Variants in SND1 observed in about 807,000 individuals in gnomAD.
SND1 encodes staphylococcal nuclease and tudor domain containing 1, also known as staphylococcal nuclease domain-containing protein 1.
SND1 carries 38 observed loss-of-function variants against 121.7 expected under a neutral mutation model. The ratio of observed to expected loss-of-function variants is 0.31; its 90% CI spans 0.24 to 0.41. The LOEUF (loss-of-function observed/expected upper bound fraction) is 0.41, where lower values mean the gene tolerates loss of function less well. SND1 is among the 10% of genes least tolerant of loss of function. The probability of loss-of-function intolerance (pLI) is 1.00; values close to 1 mark genes in which losing one functional copy is unlikely to be tolerated. For missense variants in SND1, 868 were observed against 1,184.6 expected (o/e 0.73, Z 3.92); for synonymous variants, 401 against 447.4 (o/e 0.90, Z 1.31).
chr7:127,800,753 T>C (rs997096606), intron 10 of SND1, among the ~76,000 whole-genome samples: 2 of 152,258 alleles, frequency 1.3e-5, no homozygotes, highest in Non-Finnish European at 2.9e-5. Flanking sequence ...ACACACACAG[T>C]TGAAAGTCCC....
chr7:127,881,396 G>A (rs1396008163), intron 12 of SND1, among the ~76,000 whole-genome samples: 6 of 151,988 alleles, frequency 3.9e-5, no homozygotes, highest in African/African-American at 7.3e-5. Flanking sequence ...ACCTCCAGAG[G>A]GCAAAGGGGG....
At chr7:128,027,524 A>G (rs534467742) in intron 16 of SND1, 3 of 152,018 alleles carry the variant, frequency 2.0e-5, no homozygotes, top group African/African-American at 4.9e-5. Context: ...CCCCCACCCC[A>G]TCACCACAAC....
At chr7:127,717,564 G>A (rs532471118) in intron 9 of SND1, among the ~76,000 whole-genome samples, 6 of 152,314 alleles carry the variant, frequency 3.9e-5, no homozygotes, top group African/African-American at 1.4e-4. Context: ...GGTGGCAGCT[G>A]TACTCTTCTA....
intron 16 of SND1, among the ~76,000 whole-genome samples, chr7:127,992,600 C>T (rs1363618767): frequency 6.6e-6 from 1 of 152,208 alleles, no homozygotes; most frequent in Non-Finnish European, 1.5e-5. Flanking sequence ...CCCAAGACAT[C>T]GGTTGATGGC....
chr7:127,941,198 T>TA, intron 15 of SND1, among the ~76,000 whole-genome samples: 1 of 152,216 alleles, frequency 6.6e-6, no homozygotes, highest in Non-Finnish European at 1.5e-5. Context: ...CTAGACCTTG[T>TA]AAGTTTTTGG....
At chr7:127,841,662 C>A (rs1798967891) in intron 11 of SND1, among the ~76,000 whole-genome samples, 1 of 152,084 alleles carries the variant, frequency 6.6e-6, no homozygotes, top group South Asian at 2.1e-4. Context: ...TCAGGCCTGT[C>A]TGTGTGCAGC....
intron 21 of SND1, among the ~76,000 whole-genome samples, chr7:128,087,951 C>T (rs566156666): frequency 6.6e-6 from 1 of 152,294 alleles, no homozygotes; most frequent in Admixed American, 6.5e-5. Context: ...TTCCCAGGGG[C>T]TGCCCTTGGC....
At chr7:127,915,142 T>C (rs1393251667) in intron 14 of SND1, among the ~76,000 whole-genome samples, 1 of 152,120 alleles carries the variant, frequency 6.6e-6, no homozygotes. Flanking sequence ...ATTAGCCTCC[T>C]GAGTAGCTAA....
intron 16 of SND1, among the ~76,000 whole-genome samples, chr7:128,031,783 C>CGCCCGCCGCT (rs564375276): frequency 6.9e-6 from 1 of 145,590 alleles, no homozygotes; most frequent in Non-Finnish European, 1.5e-5. Context: ...CGCCCGTCGC[C>CGCCCGCCGCT]GCCCGCCGCT....
intron 15 of SND1, among the ~76,000 whole-genome samples, chr7:127,942,701 G>A (rs1801242654): frequency 6.6e-6 from 1 of 152,138 alleles, no homozygotes; most frequent in African/African-American, 2.4e-5. Context: ...TCATACTGGA[G>A]GTAAATGTGC....
intron 10 of SND1, among the ~76,000 whole-genome samples, chr7:127,761,690 T>C (rs935772838): frequency 1.3e-5 from 2 of 152,232 alleles, no homozygotes; most frequent in Non-Finnish European, 2.9e-5. Context: ...GGCCCCATTC[T>C]TTATACCCAT....
chr7:127,994,162 G>A (rs912905021), intron 16 of SND1, among the ~76,000 whole-genome samples: 1 of 152,114 alleles, frequency 6.6e-6, no homozygotes, highest in African/African-American at 2.4e-5. Context: ...TTTTCAGGTG[G>A]CTCCCATTAT....
chr7:127,787,840 TGTGC>T (rs1797838949), intron 10 of SND1, among the ~76,000 whole-genome samples: 1 of 152,226 alleles, frequency 6.6e-6, no homozygotes. Context: ...TGCCAGTGTC[TGTGC>T]AGACTGACAA....
intron 15 of SND1, among the ~76,000 whole-genome samples, chr7:127,936,295 G>A (rs1327760820): frequency 1.3e-5 from 2 of 152,098 alleles, no homozygotes; most frequent in Non-Finnish European, 2.9e-5. Flanking sequence ...CTTGTCCATA[G>A]TTAGCAAGGA....
chr7:127,652,382 C>T lies in SND1; in HGVS notation c.9C>T (p.Ser3=). 1 of 1,597,976 alleles carries T rather than the reference C, an allele frequency of 6.3e-7. No homozygotes were observed. The highest frequency in any genetic ancestry group is 8.5e-7 in the Non-Finnish European group (1 of 1,172,872). The change falls in exon 1 of 24, where the codon TCC becomes TCT. Residue 3 remains serine, a synonymous_variant. Transcript: ENST00000354725. MA[S]SAQSGGSSGG... is the part of the protein sequence containing the mutation. ...CCTTTGCATCTCCACACATGGCGTC[C>T]TCCGCGCAGAGCGGCGGCTCCTCCG...
At chr7:127,759,052 T>C (rs938544161) in intron 10 of SND1, among the ~76,000 whole-genome samples, 2 of 61,768 alleles carry the variant, frequency 3.2e-5, no homozygotes, top group Non-Finnish European at 7.0e-5. Flanking sequence ...AGATGCTGTC[T>C]CAAAAATAGA....
chr7:127,816,681 T>C (rs938961540), intron 11 of SND1, among the ~76,000 whole-genome samples: 6 of 148,876 alleles, frequency 4.0e-5, no homozygotes, highest in Non-Finnish European at 5.9e-5. Context: ...TTTTTTTTTT[T>C]GTAACAGTGT....
intron 14 of SND1, among the ~76,000 whole-genome samples, chr7:127,926,549 C>CTTTTTTTTTTTTTTTTTTT (rs71160605): frequency 1.8e-4 from 16 of 90,548 alleles, no homozygotes; most frequent in African/African-American, 3.2e-4. Flanking sequence ...TTTTCTTTTT[C>CTTTTTTTTTTTTTTTTTTT]TTTTTTTTTT....
intron 16 of SND1, among the ~76,000 whole-genome samples, chr7:128,042,120 C>T (rs924796387): frequency 6.6e-6 from 1 of 152,126 alleles, no homozygotes; most frequent in African/African-American, 2.4e-5. Flanking sequence ...TGTATGGCAG[C>T]CCAGTGAGGC....
Sources: allele counts gnomAD v4.1 joint callset (sites outside exome capture counted in the v4.1 genomes callset), GRCh38; gene constraint gnomAD v4.1.1; transcripts MANE v1.5; gene names NCBI Gene and HGNC (gene_info 2026-07-23, HGNC 2026-07-21).